EML5: variants seen among roughly 807,000 people sequenced by gnomAD.
The protein encoded by EML5 is EMAP like 5, also known as echinoderm microtubule-associated protein-like 5.
Under a neutral mutation model 250.0 loss-of-function variants are expected in EML5, and 120 were observed. The observed-to-expected ratio is 0.48, with a 90% CI of 0.41 to 0.56. The LOEUF is 0.56. Among genes scored for constraint, EML5 ranks in the 20% least tolerant of loss-of-function variants. The probability of loss-of-function intolerance (pLI) is 0.00; values close to 1 mark genes in which losing one functional copy is unlikely to be tolerated. For missense variants in EML5, 2,006 were observed against 2,437.6 expected (o/e 0.82, Z 3.73); for synonymous variants, 771 against 806.5 (o/e 0.96, Z 0.75).
At chr14:88,759,797 G>T (rs535138711) in intron 1 of EML5, among the ~76,000 whole-genome samples, 1 of 151,676 alleles carries the variant, frequency 6.6e-6, no homozygotes, top group Non-Finnish European at 1.5e-5. Context: ...AGAGAAAAAG[G>T]ATAGGGTGGG....
At position 88,621,170 on chromosome 14, in the gene EML5, A is replaced by T. The variant is rs1175245607; in HGVS notation, c.5145T>A (p.Asp1715Glu). 1.2e-6 allele frequency: 2 copies of T among 1,613,936 alleles called. No individual in the cohort carries two copies. The highest frequency in any genetic ancestry group is 1.7e-6 in the Non-Finnish European group (2 of 1,179,850). Residue 1715 changes from aspartate (D) to glutamate (E), a missense_variant, in exon 38 of 44, where the codon GAT (aspartate) becomes GAA (glutamate). By Grantham distance (45) the Asp-to-Glu change is conservative (BLOSUM62 2). Transcript: ENST00000554922. Reference protein sequence around the residue: ...IWGLATHPSRDFFLSAAEDGT... With the variant: ...IWGLATHPSREFFLSAAEDGT... ...CATCTTCTGCAGCAGAAAGGAAAAA[A>T]TCCCTGGAAGGATGTGTTGCTAGTC...
intron 2 of EML5, among the ~76,000 whole-genome samples, chr14:88,754,119 C>G (rs963478515): frequency 6.6e-6 from 1 of 152,064 alleles, no homozygotes; most frequent in Admixed American, 6.6e-5. Context: ...GAGCGTGACC[C>G]TGTCTCTAAA....
Position 88,615,870 on chromosome 14 carries a change from A to G in EML5, c.5898-16T>C, listed in dbSNP as rs1184693870. ...GACAAATAAGCTGCAATCAGAGAAG[A>G]AAATTGCAGGGAGTTAATTATGTTT... On this transcript the variant is annotated splice_polypyrimidine_tract_variant and intron_variant, in intron 43 of 43. Coordinates refer to ENST00000554922, the MANE Select transcript of EML5 (RefSeq NM_183387.3). 6.2e-7 allele frequency: 1 copy of G among 1,608,872 alleles called. No individual in the cohort carries two copies. Among genetic ancestry groups the G allele is most frequent in the Non-Finnish European group, 8.5e-7 (1 of 1,177,460 alleles).
At chr14:88,662,885 TTC>T (rs2140961864) in intron 24 of EML5, 144 bp downstream of exon 24, 1 of 613,416 alleles carries the variant, frequency 1.6e-6, no homozygotes, top group Non-Finnish European at 2.7e-6. Flanking sequence ...CACCCATGTA[TTC>T]TGACTCAATA....
chr14:88,636,024 C>G (rs954689690), intron 32 of EML5, among the ~76,000 whole-genome samples: 1 of 152,158 alleles, frequency 6.6e-6, no homozygotes, highest in African/African-American at 2.4e-5. Flanking sequence ...AAGCTACAAA[C>G]TCTGTGGTAT....
At chr14:88,622,519 C>G in intron 37 of EML5, 85 bp downstream of exon 37, 1 of 1,077,424 alleles carries the variant, frequency 9.3e-7, no homozygotes, top group South Asian at 2.1e-5. Flanking sequence ...AAGTATTGTT[C>G]ATTAGGCTGC....
chr14:88,694,346 TA>T lies in EML5; in HGVS notation c.2499del (p.Thr834GlnfsTer7). 1 of 1,595,252 alleles carries T rather than the reference TA, an allele frequency of 6.3e-7. No homozygotes were observed. Among genetic ancestry groups the T allele is most frequent in the East Asian group, 2.2e-5 (1 of 44,568 alleles). On this transcript the variant is annotated frameshift_variant, in exon 17 of 44. Transcript: ENST00000554922. LOFTEE classifies it high-confidence loss of function. Reference sequence around the variant, plus strand: ...AATTTCATGTGTTTAATTCCAGCTGTAATTAGTTTATCAGGCACATAGGGGT... The same window carrying T: ...AATTTCATGTGTTTAATTCCAGCTGTATTAGTTTATCAGGCACATAGGGGT... ...KMNPYVPDKL[I>X]TAGIKHMKFW...
intron 8 of EML5, among the ~76,000 whole-genome samples, chr14:88,717,918 T>C (rs554283518): frequency 3.0e-4 from 46 of 152,384 alleles, no homozygotes; most frequent in African/African-American, 1.0e-3. Flanking sequence ...CATACTATTA[T>C]AGGACGTAAT....
Position 88,688,404 on chromosome 14 carries a change from A to C in EML5, c.2609T>G (p.Val870Gly). 1 of 1,613,938 alleles carries C rather than the reference A, an allele frequency of 6.2e-7. No homozygotes were observed. The highest frequency in any genetic ancestry group is 8.5e-7 in the Non-Finnish European group (1 of 1,179,872). The change falls in exon 18 of 44, where the codon GTG (valine) becomes GGG (glycine). Residue 870 changes from valine (V) to glycine (G), a missense_variant. Val to Gly is a moderately radical substitution (Grantham distance 109, BLOSUM62 -3). Coordinates refer to ENST00000554922, the MANE Select transcript of EML5 (RefSeq NM_183387.3). Reference sequence around the variant, plus strand: ...AGCCATCTCTTCAGTCCATCCATACACTGCACACATCATTGTGTCATTTTT... The same window carrying C: ...AGCCATCTCTTCAGTCCATCCATACCCTGCACACATCATTGTGTCATTTTT... ...LGKNDTMMCAVYGWTEEMAFS... is the reference protein window; with the variant it reads ...LGKNDTMMCAGYGWTEEMAFS...
In EML5 at chr14:88,642,588, A is replaced by G. The variant is rs190514075; in HGVS notation, c.4237+305T>C. Among the ~76,000 whole-genome samples the G allele has an allele frequency of 2.6e-5, 4 of 152,332 alleles. No homozygotes were observed. The East Asian group carries it at 5.8e-4, about 22-fold the overall frequency. On this transcript the variant is annotated intron_variant, in intron 31 of 43. Transcript: ENST00000554922. ...CATGAGGTTATGGGAAAATAGAATT[A>G]AAGTTACAAACGGTTTCAACATAAA...
chr14:88,724,589 T>C (rs1045784032), intron 8 of EML5, among the ~76,000 whole-genome samples: 1 of 152,202 alleles, frequency 6.6e-6, no homozygotes, highest in South Asian at 2.1e-4. Flanking sequence ...TCACTACTTT[T>C]GAATGTGTAT....
chr14:88,788,968 T>G (rs962830061), intron 1 of EML5, among the ~76,000 whole-genome samples: 42 of 149,076 alleles, frequency 2.8e-4, no homozygotes, highest in Admixed American at 9.4e-4. Context: ...GAGGCTGAGG[T>G]GGGATGATCA....
intron 1 of EML5, among the ~76,000 whole-genome samples, chr14:88,786,686 A>C (rs2094554385): frequency 6.6e-6 from 1 of 152,148 alleles, no homozygotes; most frequent in Non-Finnish European, 1.5e-5. Flanking sequence ...CATGGTAGTA[A>C]GTCTCACGAG....
chr14:88,741,849 T>C (rs1443845266), intron 4 of EML5, among the ~76,000 whole-genome samples: 1 of 152,198 alleles, frequency 6.6e-6, no homozygotes, highest in Admixed American at 6.5e-5. Flanking sequence ...TTTATTATCA[T>C]ATATTCTTAT....
chr14:88,762,466 T>C (rs778878418), intron 1 of EML5, among the ~76,000 whole-genome samples: 3 of 151,326 alleles, frequency 2.0e-5, no homozygotes, highest in Non-Finnish European at 4.4e-5. Flanking sequence ...GCTGAGATCA[T>C]GCCATTGCAC....
intron 12 of EML5, 129 bp from the exon 13 acceptor site, chr14:88,705,107 T>A (rs568659701): frequency 9.9e-5 from 63 of 637,762 alleles, no homozygotes; most frequent in Non-Finnish European, 1.5e-4. Context: ...AATGAAAAGT[T>A]AATTCATGAA....
intron 20 of EML5, 57 bp downstream of exon 20, chr14:88,684,958 T>G: frequency 6.9e-7 from 1 of 1,449,932 alleles, no homozygotes; most frequent in Non-Finnish European, 9.3e-7. Flanking sequence ...GGCTCTTATA[T>G]ATTGAAATAA....
intron 1 of EML5, among the ~76,000 whole-genome samples, chr14:88,783,731 A>G (rs2094522073): frequency 6.6e-6 from 1 of 152,206 alleles, no homozygotes; most frequent in African/African-American, 2.4e-5. Flanking sequence ...TCAACAACCC[A>G]TTTGCAGCAC....
chr14:88,779,655 C>T (rs888200798), intron 1 of EML5, among the ~76,000 whole-genome samples: 7 of 152,162 alleles, frequency 4.6e-5, no homozygotes, highest in Non-Finnish European at 1.0e-4. Flanking sequence ...TTTATATATC[C>T]TCTGCTCTCT....
Sources: gnomAD v4.1 joint callset for allele counts (sites outside exome capture counted in the v4.1 genomes callset) on GRCh38, gnomAD v4.1.1 for gene constraint, MANE v1.5 for transcripts, NCBI Gene and HGNC (gene_info 2026-07-23, HGNC 2026-07-21) for gene names.